NCOA6: variants seen among roughly 807,000 people sequenced by gnomAD.
NCOA6 encodes NRC RAP250.
In NCOA6, 49 loss-of-function variants were observed where a neutral mutation model predicts 171.4. The ratio of observed to expected loss-of-function variants is 0.29; its 90% CI spans 0.23 to 0.36. The LOEUF is 0.36. Among genes scored for constraint, NCOA6 ranks in the 10% least tolerant of loss-of-function variants. The probability of loss-of-function intolerance (pLI) is 1.00; values close to 1 mark genes in which losing one functional copy is unlikely to be tolerated. For missense variants in NCOA6, 2,248 were observed against 2,554.5 expected (o/e 0.88, Z 2.59); for synonymous variants, 910 against 927.5 (o/e 0.98, Z 0.34).
Position 34,740,632 on chromosome 20 carries a change from T to C in NCOA6, c.5624A>G (p.Asp1875Gly), listed in dbSNP as rs2076108432. 6.2e-7 allele frequency: 1 copy of C among 1,614,102 alleles called. No homozygotes were observed. Among genetic ancestry groups the C allele is most frequent in the African/African-American group, 1.3e-5 (1 of 74,934 alleles). The change falls in exon 11 of 15, where the codon GAC becomes GGC. Residue 1875 changes from aspartate (D) to glycine (G), a missense_variant. Physicochemically the swap from Asp to Gly is moderately conservative, Grantham distance 94 (BLOSUM62 -1). Coordinates refer to ENST00000359003, the MANE Select transcript of NCOA6 (RefSeq NM_014071.5). ...TGCTGGGGGCGTTGGGGTTTTACTG[T>C]CCAGCTCTGTGGATAACTGCTCTGT... ...MGTEQLSTEL[D>G]SKTPTPPAPT... is the part of the protein sequence containing the mutation.
intron 5 of NCOA6, among the ~76,000 whole-genome samples, chr20:34,765,175 G>A (rs1600917266): frequency 6.6e-6 from 1 of 150,546 alleles, no homozygotes; most frequent in Non-Finnish European, 1.5e-5. Flanking sequence ...GTTTTTGGCT[G>A]GGCGCGATGG....
chr20:34,760,838 G>T (rs1236502707), intron 5 of NCOA6, among the ~76,000 whole-genome samples: 1 of 151,980 alleles, frequency 6.6e-6, no homozygotes, highest in East Asian at 1.9e-4. Context: ...TTTAAAATTT[G>T]TACTTTTTTC....
intron 14 of NCOA6, among the ~76,000 whole-genome samples, chr20:34,721,581 T>C (rs534773203): frequency 1.3e-5 from 2 of 152,308 alleles, no homozygotes; most frequent in African/African-American, 2.4e-5. Context: ...ATCTCTCGCA[T>C]GCACAGTTTA....
intron 4 of NCOA6, among the ~76,000 whole-genome samples, chr20:34,773,559 CGA>C (rs2077217446): frequency 8.6e-5 from 13 of 150,530 alleles, no homozygotes; most frequent in Admixed American, 1.3e-4. Flanking sequence ...AAATTTTGCT[CGA>C]CACCCAGGCT....
At chr20:34,740,333 C>T (rs780697512) in intron 11 of NCOA6, 30 bp downstream of exon 11, 5 of 1,585,790 alleles carry the variant, frequency 3.2e-6, no homozygotes, top group Non-Finnish European at 4.3e-6. Context: ...AAAACTGACA[C>T]AAAGAGATGA....
At chr20:34,812,230 C>T (rs2078690218) in intron 1 of NCOA6, among the ~76,000 whole-genome samples, 1 of 150,368 alleles carries the variant, frequency 6.7e-6, no homozygotes, top group Non-Finnish European at 1.5e-5. Flanking sequence ...TCCAGTGTGG[C>T]GACAGATGGA....
rs2076442841 is a variant in NCOA6 at position 34,750,524 on chromosome 20, A to G, written c.1676-5T>C. On this transcript the variant is annotated splice_polypyrimidine_tract_variant and splice_region_variant and intron_variant, in intron 8 of 14. Transcript: ENST00000359003. ...GAGGACCAGCTCCTTGACCACCTTAAAAAAAAAAAAAGTCACAGTTTCAGA... is the reference window on the plus strand; with the variant it reads ...GAGGACCAGCTCCTTGACCACCTTAGAAAAAAAAAAAGTCACAGTTTCAGA... 1.5e-6 allele frequency: 2 copies of G among 1,355,682 alleles called. No individual in the cohort carries two copies. Among genetic ancestry groups the G allele is most frequent in the Non-Finnish European group, 2.0e-6 (2 of 996,198 alleles). The allele number at this position is 1,355,682 out of a possible 1,614,324, so 84.0% of individuals were successfully genotyped here.
chr20:34,809,632 T>C (rs1385177834), intron 1 of NCOA6: 4 of 390,808 alleles, frequency 1.0e-5, no homozygotes, highest in Admixed American at 8.9e-5. Context: ...TTGGCCAAAT[T>C]CCTTCTCTCT....
chr20:34,757,088 G>A, intron 7 of NCOA6, 132 bp downstream of exon 7: 1 of 935,532 alleles, frequency 1.1e-6, no homozygotes, highest in Non-Finnish European at 1.5e-6. Flanking sequence ...TATATCAAGT[G>A]TCACCACCAT....
rs1340391494 is a variant in NCOA6 at position 34,768,428 on chromosome 20, T to C, written c.514+36A>G. 5 of 1,609,086 alleles carry C rather than the reference T, an allele frequency of 3.1e-6. No homozygotes were observed. In the East Asian group the frequency reaches 6.7e-5, roughly 22 times the overall value. ...GATCAAATAAGCCAAAAAAGGAAAC[T>C]AGTAAAATGTCATACAATTGAGTGG... is the stretch of plus-strand genomic sequence containing the variant. On this transcript the variant is annotated intron_variant, in intron 5 of 14. Transcript: ENST00000359003.
At chr20:34,743,852 C>A (rs778454672) in intron 10 of NCOA6, among the ~76,000 whole-genome samples, 2 of 152,316 alleles carry the variant, frequency 1.3e-5, no homozygotes, top group African/African-American at 4.8e-5. Context: ...GCACTGAAGA[C>A]AGCCTTTTTA....
In NCOA6 at chr20:34,758,987, T is replaced by G. The variant is rs188541758; in HGVS notation, c.515-54A>C. Reference sequence around the variant, plus strand: ...CTGGAATTGGCACAATTTTTGTTTTTTAATGAGTTATTTCAAGAATATGAA... The same window carrying G: ...CTGGAATTGGCACAATTTTTGTTTTGTAATGAGTTATTTCAAGAATATGAA... On this transcript the variant is annotated intron_variant, in intron 5 of 14. Transcript: ENST00000359003. 2.3e-4 allele frequency: 363 copies of G among 1,566,124 alleles called. 3 individuals are homozygous for G. The African/African-American group carries it at 4.4e-3, about 19-fold the overall frequency.
At chr20:34,778,161 C>T (rs961720918) in intron 3 of NCOA6, among the ~76,000 whole-genome samples, 3 of 152,130 alleles carry the variant, frequency 2.0e-5, no homozygotes, top group Non-Finnish European at 2.9e-5. Flanking sequence ...CTCGGCCTCC[C>T]GAAGTGCTGG....
intron 12 of NCOA6, among the ~76,000 whole-genome samples, chr20:34,735,873 TACTA>T (rs1180614666): frequency 6.6e-6 from 1 of 152,192 alleles, no homozygotes; most frequent in African/African-American, 2.4e-5. Context: ...TGCTTTTTCT[TACTA>T]ACTTTGTCAA....
intron 5 of NCOA6, among the ~76,000 whole-genome samples, chr20:34,759,761 G>T (rs1296588974): frequency 1.3e-5 from 2 of 151,904 alleles, no homozygotes; most frequent in Non-Finnish European, 2.9e-5. Flanking sequence ...TTGTGTATTT[G>T]TCATGAATTC....
intron 10 of NCOA6, among the ~76,000 whole-genome samples, chr20:34,746,605 T>C (rs1288322335): frequency 6.6e-6 from 1 of 152,178 alleles, no homozygotes; most frequent in African/African-American, 2.4e-5. Context: ...ATAGAATGTG[T>C]GTGTGTATGT....
chr20:34,772,148 C>T (rs1293416469), intron 4 of NCOA6, among the ~76,000 whole-genome samples: 3 of 151,888 alleles, frequency 2.0e-5, no homozygotes, highest in Non-Finnish European at 2.9e-5. Context: ...GGTGAGACCC[C>T]GTCTCTATAA....
chr20:34,810,673 A>G (rs1286790107), intron 1 of NCOA6, among the ~76,000 whole-genome samples: 1 of 151,600 alleles, frequency 6.6e-6, no homozygotes, highest in Non-Finnish European at 1.5e-5. Flanking sequence ...CTCCTGCCTC[A>G]GCCTCCCGAG....
rs773956775 is a variant in NCOA6 at position 34,741,621 on chromosome 20, A to C, written c.4635T>G (p.Asn1545Lys). The C allele has an allele frequency of 2.5e-6, 4 of 1,614,068 alleles. No individual in the cohort carries two copies. Among genetic ancestry groups the C allele is most frequent in the Non-Finnish European group, 3.4e-6 (4 of 1,180,034 alleles). Residue 1545 changes from asparagine (N) to lysine (K), a missense_variant, in exon 11 of 15, where the codon AAT (asparagine) becomes AAG (lysine). Physicochemically the swap from Asn to Lys is moderately conservative, Grantham distance 94. Transcript: ENST00000359003. ...QDLSSSKEPS[N>K]SLNLPHSNEL... ...CATTACTGTGAGGTAAGTTTAGGGA[A>C]TTAGAAGGTTCTTTAGAAGAAGACA... is the stretch of plus-strand genomic sequence containing the variant.
Sources: allele counts gnomAD v4.1 joint callset (sites outside exome capture counted in the v4.1 genomes callset), GRCh38; gene constraint gnomAD v4.1.1; transcripts MANE v1.5; gene names NCBI Gene and HGNC (gene_info 2026-07-23, HGNC 2026-07-21).